Variants in GRIA4 observed in about 807,000 individuals in gnomAD.
The protein encoded by GRIA4 is glutamate receptor 4.
In GRIA4, 34 loss-of-function variants were observed where a neutral mutation model predicts 104.0. The ratio of observed to expected loss-of-function variants is 0.33; its 90% CI spans 0.25 to 0.44. The LOEUF (loss-of-function observed/expected upper bound fraction) is 0.44. GRIA4 is among the 20% of genes least tolerant of loss of function. The pLI, the probability that GRIA4 is intolerant of heterozygous loss-of-function variation, is 1.00. For synonymous variants in GRIA4, 386 were observed against 381.9 expected, an observed-to-expected ratio of 1.01 and a Z score of -0.13; for missense variants, 750 against 1,096.5, an observed-to-expected ratio of 0.68 and a Z score of 4.46.
intron 14 of GRIA4, among the ~76,000 whole-genome samples, chr11:105,939,091 T>C (rs1948121813): frequency 6.6e-6 from 1 of 152,202 alleles, no homozygotes. Context: ...ATGTTTGTGA[T>C]TCTTCCCATT....
chr11:105,889,075 T>C (rs921548500), intron 6 of GRIA4, among the ~76,000 whole-genome samples: 1 of 152,190 alleles, frequency 6.6e-6, no homozygotes, highest in Non-Finnish European at 1.5e-5. Flanking sequence ...TTTTGTCATC[T>C]ATTCTTACAA....
chr11:105,663,124 A>G (rs771160292), intron 3 of GRIA4, among the ~76,000 whole-genome samples: 6 of 151,868 alleles, frequency 4.0e-5, no homozygotes, highest in African/African-American at 7.2e-5. Flanking sequence ...AAAAAGGACA[A>G]CTGTCTTAAA....
intron 5 of GRIA4, among the ~76,000 whole-genome samples, chr11:105,878,863 G>T (rs533610207): frequency 6.6e-6 from 1 of 152,176 alleles, no homozygotes; most frequent in Non-Finnish European, 1.5e-5. Flanking sequence ...AGACAACTTG[G>T]CTCCCTGGCT....
Position 105,979,582 on chromosome 11 carries a change from T to C in GRIA4, c.2552T>C (p.Phe851Ser). ...CCTTTCCATGCAACCCAGCTGACCT[T>C]TTCTGAAGCCATAAGAAACAAAGCC... Reference protein sequence around the residue: ...RAEAKRMKLTFSEAIRNKARL... With the variant: ...RAEAKRMKLTSSEAIRNKARL... Residue 851 changes from phenylalanine (F) to serine (S), a missense_variant, in exon 17 of 17, where the codon TTT (phenylalanine) becomes TCT (serine). Transcript: ENST00000282499. 6.2e-7 allele frequency: 1 copy of C among 1,614,162 alleles called. No individual in the cohort carries two copies. Among genetic ancestry groups the C allele is most frequent in the Non-Finnish European group, 8.5e-7 (1 of 1,179,990 alleles).
chr11:105,820,438 G>A (rs907640059), intron 4 of GRIA4, among the ~76,000 whole-genome samples: 1 of 151,828 alleles, frequency 6.6e-6, no homozygotes, highest in African/African-American at 2.4e-5. Flanking sequence ...CTTTATCTTT[G>A]GTCATAGGGA....
chr11:105,912,884 T>C (rs1208720797), intron 10 of GRIA4: 5 of 980,260 alleles, frequency 5.1e-6, no homozygotes, highest in Non-Finnish European at 4.8e-6. Flanking sequence ...CAGATTCAGC[T>C]GAAAACTCCC....
chr11:105,731,459 G>A (rs954669106), intron 3 of GRIA4, among the ~76,000 whole-genome samples: 5 of 152,038 alleles, frequency 3.3e-5, no homozygotes, highest in African/African-American at 4.8e-5. Context: ...ATTGTGGAAG[G>A]CAGTGTGGCG....
intron 3 of GRIA4, among the ~76,000 whole-genome samples, chr11:105,696,545 C>T (rs1008268046): frequency 5.3e-5 from 8 of 151,936 alleles, no homozygotes; most frequent in Admixed American, 2.0e-4. Flanking sequence ...GTCTATTAAA[C>T]GTTTTTAAAA....
chr11:105,678,084 C>G (rs1245456571), intron 3 of GRIA4, among the ~76,000 whole-genome samples: 2 of 151,960 alleles, frequency 1.3e-5, no homozygotes, highest in Non-Finnish European at 2.9e-5. Flanking sequence ...CAATAATCAA[C>G]CTATTTTTAT....
chr11:105,927,563 T>G (rs1237063501), intron 13 of GRIA4, among the ~76,000 whole-genome samples: 1 of 152,102 alleles, frequency 6.6e-6, no homozygotes, highest in Non-Finnish European at 1.5e-5. Flanking sequence ...ATAATTGTAT[T>G]ACATATATGG....
At chr11:105,896,061 T>C (rs1403862613) in intron 6 of GRIA4, among the ~76,000 whole-genome samples, 1 of 152,214 alleles carries the variant, frequency 6.6e-6, no homozygotes, top group African/African-American at 2.4e-5. Flanking sequence ...TTTTTATTTT[T>C]TCCCTTTTCT....
At chr11:105,902,433 C>T (rs147252936) in intron 7 of GRIA4, among the ~76,000 whole-genome samples, 23 of 151,830 alleles carry the variant, frequency 1.5e-4, no homozygotes, top group Non-Finnish European at 3.2e-4. Flanking sequence ...TGGGCTCAAG[C>T]GATCCTCCTC....
intron 14 of GRIA4, among the ~76,000 whole-genome samples, chr11:105,943,949 T>C (rs1444508499): frequency 6.6e-6 from 1 of 152,100 alleles, no homozygotes; most frequent in African/African-American, 2.4e-5. Context: ...TAGCCATTTT[T>C]AGAATATTTA....
rs116332249 is a variant in GRIA4 at position 105,711,565 on chromosome 11, A to T, written c.248-41416A>T. On this transcript the variant is annotated intron_variant, in intron 3 of 16. Transcript: ENST00000282499. Reference sequence around the variant, plus strand: ...ATCTGTATACTCTCACCGGCGAAATAACCTGTAAATGAACCCAAGAGCGAC... The same window carrying T: ...ATCTGTATACTCTCACCGGCGAAATTACCTGTAAATGAACCCAAGAGCGAC... 3.0e-3 allele frequency among the ~76,000 whole-genome samples: 454 copies of T among 152,310 alleles called. 7 individuals carry two copies. The highest frequency in any genetic ancestry group is 0.011 in the African/African-American group (446 of 41,578).
At chr11:105,726,426 G>C (rs974912382) in intron 3 of GRIA4, among the ~76,000 whole-genome samples, 3 of 152,096 alleles carry the variant, frequency 2.0e-5, no homozygotes, top group Admixed American at 1.3e-4. Context: ...CATCTCCTTC[G>C]CACAGGGCAC....
chr11:105,640,207 C>T (rs141438975), intron 3 of GRIA4, among the ~76,000 whole-genome samples: 9 of 151,928 alleles, frequency 5.9e-5, no homozygotes, highest in African/African-American at 2.2e-4. Context: ...ACTTAAAAAG[C>T]TAGATGTTTC....
At chr11:105,957,513 G>C (rs533394833) in intron 14 of GRIA4, among the ~76,000 whole-genome samples, 1 of 152,296 alleles carries the variant, frequency 6.6e-6, no homozygotes, top group East Asian at 1.9e-4. Context: ...GGTTACTGTA[G>C]CCTTGTAGTA....
rs568024113 is a variant in GRIA4 at position 105,778,629 on chromosome 11, C to A, written c.487+25409C>A. Among the ~76,000 whole-genome samples the A allele has an allele frequency of 2.0e-5, 3 of 152,232 alleles. No homozygotes were observed. In the South Asian group the frequency reaches 6.2e-4, roughly 32 times the overall value. On this transcript the variant is annotated intron_variant, in intron 4 of 16. Transcript: ENST00000282499. The stretch of plus-strand genomic sequence containing the variant: ...CTGAGGCAGGAGAATTGCTTGCACC[C>A]AGGAGGCAGAGGTTGCAGTGAGCTG...
intron 3 of GRIA4, among the ~76,000 whole-genome samples, chr11:105,659,943 G>A (rs971393997): frequency 2.0e-5 from 3 of 151,616 alleles, no homozygotes; most frequent in African/African-American, 7.3e-5. Flanking sequence ...AATAATGTAA[G>A]ATACTACTGA....
Sources: allele counts gnomAD v4.1 joint callset (sites outside exome capture counted in the v4.1 genomes callset), GRCh38; gene constraint gnomAD v4.1.1; transcripts MANE v1.5; gene names NCBI Gene and HGNC (gene_info 2026-07-23, HGNC 2026-07-21).